Variants in JAG1 observed in about 807,000 individuals in gnomAD.
The protein encoded by JAG1 is jagged canonical Notch ligand 1, also known as protein jagged-1.
A neutral mutation model predicts 148.7 loss-of-function variants in JAG1; 23 were observed. The observed-to-expected ratio is 0.15, with a 90% CI of 0.11 to 0.22. JAG1 has a LOEUF of 0.22. Among genes scored for constraint, JAG1 ranks in the 10% least tolerant of loss-of-function variants. The probability of loss-of-function intolerance (pLI) is 1.00; values close to 1 mark genes in which losing one functional copy is unlikely to be tolerated. For missense variants in JAG1, 1,054 were observed against 1,611.2 expected, an observed-to-expected ratio of 0.65 and a Z score of 5.92; for synonymous variants, 572 against 598.3, an observed-to-expected ratio of 0.96 and a Z score of 0.64.
At position 10,673,981 on chromosome 20, in the gene JAG1, G is replaced by C. The variant is rs1345542130; in HGVS notation, c.-451C>G. On this transcript the variant is annotated 5_prime_UTR_variant, in exon 1 of 26. Transcript: ENST00000254958. This position sits in a 1 kb window ranked among gnomAD's most constrained non-coding sequence, Gnocchi z 4.7. ...GCGTGCCCGCCCGGCTCTCGGAGAA[G>C]GACCCGGAGAGCCCGTCTGGCAGCA... 1 of 152,184 alleles carries C rather than the reference G, an allele frequency of 6.6e-6. No individual in the cohort carries two copies. The highest frequency in any genetic ancestry group is 1.5e-5 in the Non-Finnish European group (1 of 68,084). 9.4% of individuals were successfully genotyped at this position (152,184 alleles called of 1,614,324 possible).
chr20:10,657,358 A>AAAC (rs1333262709), intron 4 of JAG1, among the ~76,000 whole-genome samples: 1 of 151,688 alleles, frequency 6.6e-6, no homozygotes, highest in Non-Finnish European at 1.5e-5. Flanking sequence ...CTTAAAAAAA[A>AAAC]AAAAAAACAC....
At position 10,638,083 on chromosome 20, in the gene JAG1, C is replaced by T. The variant is rs1300664286; in HGVS notation, c.*1415G>A. ...TTCATATAACACTAATAGGACAATA[C>T]AAAGTATCTTCACGGTCTCAATGGT... On this transcript the variant is annotated 3_prime_UTR_variant, in exon 26 of 26. Coordinates refer to ENST00000254958, the MANE Select transcript of JAG1 (RefSeq NM_000214.3). 1 of 152,620 alleles carries T rather than the reference C, an allele frequency of 6.6e-6. No individual in the cohort carries two copies. Among genetic ancestry groups the T allele is most frequent in the Non-Finnish European group, 1.5e-5 (1 of 68,036 alleles). 9.5% of individuals were successfully genotyped at this position (152,620 alleles called of 1,614,324 possible).
chr20:10,662,759 C>T (rs569465252), intron 3 of JAG1, among the ~76,000 whole-genome samples: 43 of 152,242 alleles, frequency 2.8e-4, no homozygotes, highest in African/African-American at 1.0e-3. Context: ...CACCCCCCCA[C>T]GGCATTACAG....
At position 10,660,676 on chromosome 20, in the gene JAG1, T is replaced by A. The variant is rs141712228; in HGVS notation, c.440-1954A>T. ...TCCTCAGTGGAGCTATGGAGCTGCA[T>A]ACATAATTTCACACCTGCTCAGGGA... On this transcript the variant is annotated intron_variant, in intron 3 of 25. Transcript: ENST00000254958. Among the ~76,000 whole-genome samples, 21 of 152,308 alleles carry A rather than the reference T, an allele frequency of 1.4e-4. No individual in the cohort carries two copies. In the East Asian group the frequency reaches 3.9e-3, roughly 28 times the overall value.
intron 6 of JAG1, 86 bp from the exon 7 acceptor site, chr20:10,652,336 A>G: frequency 6.3e-7 from 1 of 1,599,684 alleles, no homozygotes; most frequent in Admixed American, 1.7e-5. Flanking sequence ...TCTTTTAAAA[A>G]GAAAAACCAG....
intron 5 of JAG1, 62 bp from the exon 6 acceptor site, chr20:10,652,660 T>G: frequency 1.3e-6 from 2 of 1,588,798 alleles, no homozygotes; most frequent in Non-Finnish European, 1.7e-6. Context: ...CCTGTACAAT[T>G]CAAATGGAAG....
Position 10,645,575 on chromosome 20 carries a change from G to A in JAG1, c.2000-106C>T, listed in dbSNP as rs898896540. The stretch of plus-strand genomic sequence containing the variant: ...GCTTACATCCAACATCCTATTCTGA[G>A]AACAGCCACAGTCGTAGTACTTTAA... On this transcript the variant is annotated intron_variant, in intron 15 of 25. Coordinates refer to ENST00000254958, the MANE Select transcript of JAG1 (RefSeq NM_000214.3). This position sits in a 1 kb window ranked among gnomAD's most constrained non-coding sequence, Gnocchi z 6.1. 1 of 877,882 alleles carries A rather than the reference G, an allele frequency of 1.1e-6. No homozygotes were observed. The highest frequency in any genetic ancestry group is 1.9e-6 in the Non-Finnish European group (1 of 530,462). The allele number at this position is 877,882 out of a possible 1,614,324, so 54.4% of individuals were successfully genotyped here.
intron 24 of JAG1, 27 bp downstream of exon 24, chr20:10,641,086 T>C (rs763628026): frequency 1.9e-6 from 3 of 1,614,048 alleles, no homozygotes. Flanking sequence ...CATCGAATAA[T>C]GAGGTGTGAA....
chr20:10,672,892 ACTT>A lies in JAG1; in HGVS notation c.193_195del (p.Lys65del). On this transcript the variant is annotated inframe_deletion, in exon 2 of 26. Coordinates refer to ENST00000254958, the MANE Select transcript of JAG1 (RefSeq NM_000214.3). ...TATGTGTCACACTCGTCGCGGGTGC[ACTT>A]GCGGTCTCCCGGGTTCCGGGCGCCG... 1 of 1,613,250 alleles carries A rather than the reference ACTT, an allele frequency of 6.2e-7. No individual in the cohort carries two copies. The highest frequency in any genetic ancestry group is 1.1e-5 in the South Asian group (1 of 91,092).
At chr20:10,656,577 C>CAA in intron 4 of JAG1, 119 bp from the exon 5 acceptor site, 1 of 806,718 alleles carries the variant, frequency 1.2e-6, no homozygotes, top group South Asian at 1.4e-5. Flanking sequence ...GGTCTCATAT[C>CAA]AAGTCCCTTG....
intron 14 of JAG1, chr20:10,646,483 C>T (rs748892710): frequency 1.9e-5 from 7 of 359,674 alleles, no homozygotes; most frequent in African/African-American, 4.2e-5. Context: ...AACCAGTCTC[C>T]CCAGCCTTAC....
At chr20:10,667,829 A>G (rs2067465638) in intron 2 of JAG1, among the ~76,000 whole-genome samples, 1 of 152,180 alleles carries the variant, frequency 6.6e-6, no homozygotes, top group African/African-American at 2.4e-5. Context: ...ACTGATAATT[A>G]AATGCACCAG....
chr20:10,641,963 G>C, intron 21 of JAG1, 71 bp from the exon 22 acceptor site: 3 of 988,068 alleles, frequency 3.0e-6, no homozygotes, highest in East Asian at 2.4e-5. Context: ...TTTGGTCCCT[G>C]TTATGAAATG....
chr20:10,664,926 T>A (rs995731693), intron 2 of JAG1, among the ~76,000 whole-genome samples: 2 of 152,154 alleles, frequency 1.3e-5, no homozygotes, highest in Non-Finnish European at 2.9e-5. Flanking sequence ...TTTTCTAAAA[T>A]TTTCCTTCGT....
At chr20:10,644,658 G>C in intron 18 of JAG1, 1 of 643,404 alleles carries the variant, frequency 1.6e-6, no homozygotes, top group Non-Finnish European at 2.8e-6. Context: ...GCTGGGAACT[G>C]AGACGCCATC....
chr20:10,648,858 G>T, intron 11 of JAG1, 136 bp from the exon 12 acceptor site: 1 of 983,720 alleles, frequency 1.0e-6, no homozygotes, highest in Non-Finnish European at 1.6e-6. Flanking sequence ...ACCTCTGAAA[G>T]TGGTTAGAGG....
chr20:10,642,403 G>T, intron 21 of JAG1, 85 bp downstream of exon 21: 1 of 775,678 alleles, frequency 1.3e-6, no homozygotes, highest in Non-Finnish European at 2.3e-6. Context: ...TGAGCACAGT[G>T]GCTTATTTGT....
chr20:10,665,952 G>A (rs1414735445), intron 2 of JAG1, among the ~76,000 whole-genome samples: 3 of 152,146 alleles, frequency 2.0e-5, no homozygotes, highest in Non-Finnish European at 4.4e-5. Flanking sequence ...AGAAGTTGCT[G>A]ACCGACATCA....
At chr20:10,644,430 G>A in intron 18 of JAG1, 46 bp from the exon 19 acceptor site, 2 of 1,530,936 alleles carry the variant, frequency 1.3e-6, no homozygotes, top group Non-Finnish European at 1.8e-6. Flanking sequence ...AACAGGGAAA[G>A]CGGTCTTAGC....
Sources: allele counts gnomAD v4.1 joint callset (sites outside exome capture counted in the v4.1 genomes callset), GRCh38; gene constraint gnomAD v4.1.1; non-coding constraint Gnocchi (gnomAD v3.1); transcripts MANE v1.5; gene names NCBI Gene and HGNC (gene_info 2026-07-23, HGNC 2026-07-21).